The following IKBIP variants were observed in gnomAD, a reference collection of about 807,000 sequenced individuals.
The protein encoded by IKBIP is IKBKB interacting protein.
A neutral mutation model predicts 31.0 loss-of-function variants in IKBIP; 28 were observed. The observed-to-expected ratio is 0.90, with a 90% CI of 0.67 to 1.24. IKBIP has a LOEUF of 1.24. IKBIP is among the 50% of genes most tolerant of loss of function. The probability of loss-of-function intolerance (pLI) is 0.00; values close to 1 mark genes in which losing one functional copy is unlikely to be tolerated. For missense variants in IKBIP, 453 were observed against 441.9 expected, an observed-to-expected ratio of 1.03 and a Z score of -0.23; for synonymous variants, 164 against 160.3, an observed-to-expected ratio of 1.02 and a Z score of -0.17.
In IKBIP at chr12:98,626,745, G is replaced by C. The variant is rs763311145; in HGVS notation, c.319C>G (p.Leu107Val). 5.6e-6 allele frequency: 9 copies of C among 1,606,284 alleles called. No homozygotes were observed. The highest frequency in any genetic ancestry group is 6.8e-6 in the Non-Finnish European group (8 of 1,175,462). ...SEKLESTESI[L>V]QEATSSMSLM... is the part of the protein sequence containing the mutation. The stretch of plus-strand genomic sequence containing the variant: ...GACATGGATGATGTAGCTTCCTGCA[G>C]GATGCTTTCAGTAGACTCAAGCTGC... The change falls in exon 3 of 3, where the codon CTG (leucine) becomes GTG (valine). Residue 107 changes from leucine (L) to valine (V), a missense_variant. Coordinates refer to ENST00000299157, the MANE Select transcript of IKBIP (RefSeq NM_153687.4).
chr12:98,617,004 T>G (rs1592987140), intron 2 of IKBIP, among the ~76,000 whole-genome samples: 1 of 152,224 alleles, frequency 6.6e-6, no homozygotes, highest in African/African-American at 2.4e-5. Flanking sequence ...AATGCTAGAA[T>G]GAAGGGACCA....
At chr12:98,627,117 C>T (rs1029573733) in intron 2 of IKBIP, among the ~76,000 whole-genome samples, 81 of 151,788 alleles carry the variant, frequency 5.3e-4, no homozygotes, top group Non-Finnish European at 1.1e-3. Flanking sequence ...TACAGGTACG[C>T]GCCACTATGC....
intron 1 of IKBIP, among the ~76,000 whole-genome samples, chr12:98,636,333 A>G (rs1664228106): frequency 6.6e-6 from 1 of 152,218 alleles, no homozygotes; most frequent in South Asian, 2.1e-4. Context: ...CTAAGTGCAC[A>G]GCCAAACTTA....
chr12:98,620,970 G>A (rs531820439), downstream of IKBIP, among the ~76,000 whole-genome samples: 5 of 148,474 alleles, frequency 3.4e-5, no homozygotes, highest in East Asian at 4.0e-4. Context: ...CCTAGTGGCC[G>A]TGCGTGGTGG....
At chr12:98,643,970 C>G (rs2097634598) in intron 1 of IKBIP, among the ~76,000 whole-genome samples, 2 of 152,128 alleles carry the variant, frequency 1.3e-5, no homozygotes, top group African/African-American at 4.8e-5. Flanking sequence ...CGCCCGCCAC[C>G]ACGCCCGGCT....
At chr12:98,629,052 G>T (rs992246434) in intron 2 of IKBIP, among the ~76,000 whole-genome samples, 1 of 152,190 alleles carries the variant, frequency 6.6e-6, no homozygotes, top group Non-Finnish European at 1.5e-5. Flanking sequence ...GCAGGGTGAA[G>T]ATGTGAAAGC....
chr12:98,620,406 G>A (rs1012809130), downstream of IKBIP, among the ~76,000 whole-genome samples: 16 of 150,606 alleles, frequency 1.1e-4, no homozygotes, highest in East Asian at 5.9e-4. Context: ...TTGCTCTGTC[G>A]CCCAGGCTGG....
Position 98,626,775 on chromosome 12 carries a change from A to G in IKBIP, c.298-9T>C, listed in dbSNP as rs1565840372. On this transcript the variant is annotated splice_polypyrimidine_tract_variant and intron_variant, in intron 2 of 2. Transcript: ENST00000299157. ...CTTTCAGTAGACTCAAGCTGCATTT[A>G]TAACACAAAACAATTCCCAAGGCTA... The G allele has an allele frequency of 3.2e-6, 5 of 1,576,470 alleles. No individual in the cohort carries two copies. Among genetic ancestry groups the G allele is most frequent in the Non-Finnish European group, 4.3e-6 (5 of 1,161,740 alleles).
chr12:98,624,693 T>A lies in IKBIP; in HGVS notation c.*1237A>T, dbSNP rs1323219461. 1 of 884,446 alleles carries A rather than the reference T, an allele frequency of 1.1e-6. No homozygotes were observed. The highest frequency in any genetic ancestry group is 6.2e-5 in the Admixed American group (1 of 16,122). The allele number at this position is 884,446 out of a possible 1,614,324, so 54.8% of individuals were successfully genotyped here. A position where few individuals can be genotyped will look rare whatever the true frequency, so the allele number is the denominator to read the frequency against. On this transcript the variant is annotated 3_prime_UTR_variant, in exon 3 of 3. Transcript: ENST00000299157. Reference sequence around the variant, plus strand: ...AATTCATAAAACAAATTTAGTGGTGTGGTTTGGGAAATCTTTAAAATGACG... The same window carrying A: ...AATTCATAAAACAAATTTAGTGGTGAGGTTTGGGAAATCTTTAAAATGACG...
chr12:98,632,516 T>A (rs1268696175), intron 2 of IKBIP, among the ~76,000 whole-genome samples: 985 of 28,904 alleles, frequency 0.034, 7 homozygotes, highest in African/African-American at 0.056. Context: ...AAAAAAAATA[T>A]ATATATATAT....
chr12:98,617,650 T>C (rs75086464), intron 2 of IKBIP, among the ~76,000 whole-genome samples: 1 of 152,268 alleles, frequency 6.6e-6, no homozygotes, highest in Non-Finnish European at 1.5e-5. Context: ...AAAACAAAGA[T>C]GGAAATCAGG....
rs2097612716 is a variant in IKBIP, at chr12:98,624,809, T to C, written c.*1121A>G. On this transcript the variant is annotated 3_prime_UTR_variant, in exon 3 of 3. Coordinates refer to ENST00000299157, the MANE Select transcript of IKBIP (RefSeq NM_153687.4). ...CAGGCCACAGGCTTATTTTTATTTA[T>C]TTATTTATTTATTGAGACAGAGTCT... 1 of 822,616 alleles carries C rather than the reference T, an allele frequency of 1.2e-6. No individual in the cohort carries two copies. Among genetic ancestry groups the C allele is most frequent in the Non-Finnish European group, 1.5e-6 (1 of 681,804 alleles). The allele number at this position is 822,616 out of a possible 1,614,324, so 51.0% of individuals were successfully genotyped here.
chr12:98,644,363 A>T (rs1367505525), intron 1 of IKBIP, among the ~76,000 whole-genome samples, 160 bp downstream of exon 1: 10 of 152,174 alleles, frequency 6.6e-5, no homozygotes. Flanking sequence ...AAAGGGAAAA[A>T]CAAGGCTGGG....
chr12:98,630,856 A>G lies in IKBIP; in HGVS notation c.297+3440T>C, dbSNP rs977538341. On this transcript the variant is annotated intron_variant, in intron 2 of 2. Transcript: ENST00000299157. ...GCCCTTTAGGGCCACCTTTGTGAAA[A>G]GGGACCTCTTATTAAATTACTCCCA... Among the ~76,000 whole-genome samples, 3 of 152,154 alleles carry G rather than the reference A, an allele frequency of 2.0e-5. 1 individual carries two copies. The highest frequency in any genetic ancestry group is 2.0e-4 in the Admixed American group (3 of 15,268).
chr12:98,626,552 T>A lies in IKBIP; in HGVS notation c.512A>T (p.Asp171Val). ...RSLEEMNINTDIFKSEAKHIH... is the reference protein window; with the variant it reads ...RSLEEMNINTVIFKSEAKHIH... ...ATGTTTTGCTTCTGATTTGAAAATG[T>A]CTGTATTAATGTTCATTTCTTCTAG... The change falls in exon 3 of 3, where the codon GAC (aspartate) becomes GTC (valine). Residue 171 changes from aspartate (D) to valine (V), a missense_variant. Transcript: ENST00000299157. 2 of 1,613,074 alleles carry A rather than the reference T, an allele frequency of 1.2e-6. No individual in the cohort carries two copies. The highest frequency in any genetic ancestry group is 1.7e-6 in the Non-Finnish European group (2 of 1,179,550).
In IKBIP at chr12:98,626,503, T is replaced by C. The variant is rs757692401; in HGVS notation, c.561A>G (p.Gln187=). The part of the protein sequence containing the change: ...AKHIHSQVTV[Q]INSAEQEIKL... ...TTATTTCCTGCTCAGCTGAGTTAAT[T>C]TGGACAGTTACTTGAGAATGTATAT... Residue 187 remains glutamine, a synonymous_variant, in exon 3 of 3, where the codon CAA becomes CAG. Transcript: ENST00000299157. 5.0e-6 allele frequency: 8 copies of C among 1,613,594 alleles called. No individual in the cohort carries two copies. In the Admixed American group the frequency reaches 5.0e-5, roughly 10 times the overall value.
intron 1 of IKBIP, among the ~76,000 whole-genome samples, chr12:98,637,502 G>A (rs1283984273): frequency 9.3e-5 from 14 of 150,186 alleles, no homozygotes; most frequent in East Asian, 8.0e-4. Context: ...TCTGCCTCCC[G>A]AGTTCAAGTG....
intron 2 of IKBIP, among the ~76,000 whole-genome samples, chr12:98,631,982 A>G (rs924783597): frequency 2.6e-5 from 4 of 151,080 alleles, no homozygotes; most frequent in Non-Finnish European, 3.0e-5. Flanking sequence ...CAGCCTCCCG[A>G]GTAGCTGGGA....
chr12:98,637,837 C>A (rs1220750756), intron 1 of IKBIP, among the ~76,000 whole-genome samples: 3 of 152,196 alleles, frequency 2.0e-5, no homozygotes, highest in Non-Finnish European at 4.4e-5. Context: ...AGCCACCGCA[C>A]CCAGCCTAGA....
Sources: allele counts gnomAD v4.1 joint callset (sites outside exome capture counted in the v4.1 genomes callset), GRCh38; gene constraint gnomAD v4.1.1; transcripts MANE v1.5; gene names NCBI Gene and HGNC (gene_info 2026-07-23, HGNC 2026-07-21).